DMD: variants seen among roughly 807,000 people sequenced by gnomAD.
The protein encoded by DMD is dystrophin.
A neutral mutation model predicts 330.1 loss-of-function variants in DMD; 63 were observed. The ratio of observed to expected loss-of-function variants is 0.19; its 90% CI spans 0.16 to 0.24. The LOEUF (loss-of-function observed/expected upper bound fraction) is 0.24. Among genes scored for constraint, DMD ranks in the 10% least tolerant of loss-of-function variants. DMD has a pLI of 1.00. For missense variants in DMD, 3,344 were observed against 2,684.1 expected (o/e 1.25, Z -5.43); for synonymous variants, 1,223 against 959.8 (o/e 1.27, Z -5.07).
At chrX:32,718,106 G>A (rs1329550438) in intron 7 of DMD, among the ~76,000 whole-genome samples, 1 of 111,002 alleles carries the variant, frequency 9.0e-6, no homozygotes, top group East Asian at 2.9e-4. Context: ...GGGAACTGTT[G>A]GGAAAGCATG....
intron 1 of DMD, among the ~76,000 whole-genome samples, chrX:33,246,117 G>A (rs947682809): frequency 4.5e-5 from 5 of 112,203 alleles, no homozygotes; most frequent in African/African-American, 1.6e-4. Context: ...CATTACATTT[G>A]ATAGATGCTC....
At chrX:33,222,026 T>C (rs1028948516) in intron 1 of DMD, among the ~76,000 whole-genome samples, 11 of 111,546 alleles carry the variant, frequency 9.9e-5, no homozygotes, top group Non-Finnish European at 2.1e-4. Flanking sequence ...TTCCAGAACA[T>C]GGAAGGGAAG....
chrX:32,817,075 C>T (rs774744276), intron 5 of DMD, among the ~76,000 whole-genome samples: 2 of 111,864 alleles, frequency 1.8e-5, no homozygotes, highest in Admixed American at 9.5e-5. Context: ...TTTGCCTTTG[C>T]TATTAATTGT....
intron 30 of DMD, among the ~76,000 whole-genome samples, chrX:32,407,705 A>G (rs1193000908): frequency 1.8e-5 from 2 of 110,304 alleles, no homozygotes; most frequent in Non-Finnish European, 3.8e-5. Context: ...TCTCAATAGC[A>G]AAGACTTGGA....
At chrX:32,849,954 G>A (rs1347341674) in intron 2 of DMD, 134 bp from the exon 3 acceptor site, 6 of 521,795 alleles carry the variant, frequency 1.1e-5, no homozygotes, top group Admixed American at 4.0e-5. Context: ...CGAAGATGAC[G>A]GATGAAAAAA....
intron 44 of DMD, among the ~76,000 whole-genome samples, chrX:32,092,044 A>G (rs1343342668): frequency 8.9e-6 from 1 of 112,032 alleles, no homozygotes; most frequent in Non-Finnish European, 1.9e-5. Context: ...AAATTTGCCT[A>G]GAGAGCAGCA....
At chrX:32,711,969 T>C (rs2065230184) in intron 7 of DMD, among the ~76,000 whole-genome samples, 1 of 111,956 alleles carries the variant, frequency 8.9e-6, no homozygotes, top group African/African-American at 3.2e-5. Context: ...CCCTCATTGG[T>C]AAAATGAGGC....
Position 33,113,065 on chromosome X carries a change from T to G in DMD, c.32-92865A>C, listed in dbSNP as rs1017704389. On this transcript the variant is annotated intron_variant, in intron 1 of 78. Transcript: ENST00000357033. ...AAGGCTAAACATTACTTTTTTTTTT[T>G]TTTTTGAGATGGAATTTTGCTCTTG... Among the ~76,000 whole-genome samples, 37 of 108,918 alleles carry G rather than the reference T, an allele frequency of 3.4e-4. 1 individual carries two copies. Among genetic ancestry groups the G allele is most frequent in the Middle Eastern group, 4.7e-3 (1 of 213 alleles). The allele number at this position is 108,918 out of a possible 115,157, so 94.6% of individuals were successfully genotyped here.
chrX:32,225,625 G>A (rs2097145217), intron 43 of DMD, among the ~76,000 whole-genome samples: 1 of 111,113 alleles, frequency 9.0e-6, no homozygotes, highest in Non-Finnish European at 1.9e-5. Context: ...CATCAGGGTG[G>A]TTTCTCACGG....
intron 53 of DMD, among the ~76,000 whole-genome samples, chrX:31,660,027 A>T (rs2148628599): frequency 8.9e-6 from 1 of 112,113 alleles, no homozygotes; most frequent in Admixed American, 9.5e-5. Context: ...ATCTATATAT[A>T]ATGTAATTTC....
rs914387210 is a variant in DMD, at chrX:33,107,313, C to G, written c.32-87113G>C. ...GGCAACAAGAGCGAAGCTCTGTCCC[C>G]CCCCCCCCCCCAACACACACAAAAA... is the stretch of plus-strand genomic sequence containing the variant. On this transcript the variant is annotated intron_variant, in intron 1 of 78. Transcript: ENST00000357033. 4.8e-3 allele frequency among the ~76,000 whole-genome samples: 277 copies of G among 58,149 alleles called. 14 individuals are homozygous for G. Among genetic ancestry groups the G allele is most frequent in the Non-Finnish European group, 6.2e-3 (196 of 31,789 alleles). The allele number at this position is 58,149 out of a possible 115,157, so 50.5% of individuals were successfully genotyped here.
intron 13 of DMD, among the ~76,000 whole-genome samples, chrX:32,585,768 C>CTGTAATTT (rs1363783004): frequency 9.7e-6 from 1 of 103,459 alleles, no homozygotes; most frequent in East Asian, 3.0e-4. Context: ...TATATTTCCC[C>CTGTAATTT]TGTAATTTTG....
At chrX:32,129,135 A>T (rs1252922316) in intron 44 of DMD, among the ~76,000 whole-genome samples, 1 of 111,659 alleles carries the variant, frequency 9.0e-6, no homozygotes, top group Non-Finnish European at 1.9e-5. Flanking sequence ...TATCTTTCAG[A>T]TTAATATATC....
chrX:31,628,740 A>G (rs1379523166), intron 54 of DMD, among the ~76,000 whole-genome samples: 2 of 110,058 alleles, frequency 1.8e-5, no homozygotes, highest in African/African-American at 6.6e-5. Context: ...TGAGAATTAA[A>G]ATAAAAAATT....
intron 47 of DMD, among the ~76,000 whole-genome samples, chrX:31,905,887 A>G (rs2094472915): frequency 8.9e-6 from 1 of 112,036 alleles, no homozygotes; most frequent in Admixed American, 9.5e-5. Flanking sequence ...TGCATGAAAA[A>G]TTATAAAGTG....
At chrX:31,843,661 G>A (rs2093357424) in intron 48 of DMD, among the ~76,000 whole-genome samples, 1 of 111,503 alleles carries the variant, frequency 9.0e-6, no homozygotes, top group African/African-American at 3.3e-5. Context: ...CTTGTGGGTT[G>A]TCTGTTTACT....
At chrX:32,767,361 G>GA (rs201806554) in intron 7 of DMD, among the ~76,000 whole-genome samples, 1,244 of 109,373 alleles carry the variant, frequency 0.011, 19 homozygotes, top group African/African-American at 0.039. Context: ...AATTATTCAG[G>GA]AAAAAAAACC....
At chrX:32,860,462 A>G (rs1373316417) in intron 2 of DMD, among the ~76,000 whole-genome samples, 3 of 112,035 alleles carry the variant, frequency 2.7e-5, no homozygotes, top group Non-Finnish European at 3.8e-5. Context: ...AAAATATCGC[A>G]AATACCACAA....
At chrX:31,554,974 A>T (rs1009206579) in intron 55 of DMD, among the ~76,000 whole-genome samples, 1 of 112,013 alleles carries the variant, frequency 8.9e-6, no homozygotes, top group Non-Finnish European at 1.9e-5. Context: ...CAAAGGTGAT[A>T]GAGGAGAGAC....
Sources: allele counts gnomAD v4.1 joint callset (sites outside exome capture counted in the v4.1 genomes callset), GRCh38; gene constraint gnomAD v4.1.1; transcripts MANE v1.5; gene names NCBI Gene and HGNC (gene_info 2026-07-23, HGNC 2026-07-21).